Variants in BMP6 observed in about 807,000 individuals in gnomAD.
The protein encoded by BMP6 is bone morphogenetic protein 6.
A neutral mutation model predicts 54.1 loss-of-function variants in BMP6; 17 were observed. The observed-to-expected ratio is 0.31, with a 90% CI of 0.22 to 0.47. The LOEUF (loss-of-function observed/expected upper bound fraction) is 0.47. Among genes scored for constraint, BMP6 ranks in the 20% least tolerant of loss-of-function variants. The pLI is 1.00. For synonymous variants in BMP6, 328 were observed against 291.2 expected, an observed-to-expected ratio of 1.13 and a Z score of -1.28; for missense variants, 720 against 690.4, an observed-to-expected ratio of 1.04 and a Z score of -0.48.
intron 1 of BMP6, among the ~76,000 whole-genome samples, chr6:7,844,763 C>G (rs1274173929): frequency 6.6e-6 from 1 of 152,098 alleles, no homozygotes; most frequent in East Asian, 1.9e-4. Flanking sequence ...GATGGGCGGA[C>G]GGGTTCTTCT....
chr6:7,792,760 G>A (rs1758129084), intron 1 of BMP6, among the ~76,000 whole-genome samples: 1 of 152,196 alleles, frequency 6.6e-6, no homozygotes, highest in African/African-American at 2.4e-5. Flanking sequence ...ATGTTTCAAT[G>A]GGCCCTACAA....
At chr6:7,811,349 TG>T (rs1758432945) in intron 1 of BMP6, among the ~76,000 whole-genome samples, 1 of 152,140 alleles carries the variant, frequency 6.6e-6, no homozygotes, top group Admixed American at 6.5e-5. Context: ...CAAGCTCCTC[TG>T]GGGGTCTTGG....
At chr6:7,764,761 A>G (rs913335198) in intron 1 of BMP6, among the ~76,000 whole-genome samples, 2 of 152,134 alleles carry the variant, frequency 1.3e-5, no homozygotes, top group African/African-American at 2.4e-5. Context: ...GACTACAGGT[A>G]TGCGCCCCCA....
intron 1 of BMP6, among the ~76,000 whole-genome samples, chr6:7,758,102 G>A (rs1286046608): frequency 6.6e-6 from 1 of 152,212 alleles, no homozygotes; most frequent in African/African-American, 2.4e-5. Flanking sequence ...ACTCTTGCTA[G>A]TAGAGAAGAA....
chr6:7,760,491 G>C, intron 1 of BMP6, among the ~76,000 whole-genome samples: 1 of 151,106 alleles, frequency 6.6e-6, no homozygotes, highest in African/African-American at 2.4e-5. Flanking sequence ...CTTTGAGACA[G>C]AGTCTTACTC....
At chr6:7,860,326 T>C (rs1461696854) in intron 2 of BMP6, among the ~76,000 whole-genome samples, 2 of 152,236 alleles carry the variant, frequency 1.3e-5, no homozygotes, top group Non-Finnish European at 2.9e-5. Context: ...CTGTAAGATA[T>C]TGCAGCAAAA....
intron 1 of BMP6, among the ~76,000 whole-genome samples, chr6:7,826,661 G>A (rs1332949450): frequency 1.3e-5 from 2 of 152,182 alleles, no homozygotes; most frequent in Non-Finnish European, 2.9e-5. Flanking sequence ...ACCTCATTCC[G>A]ACTTTTCTTT....
intron 1 of BMP6, among the ~76,000 whole-genome samples, chr6:7,823,504 TTAA>T (rs1369719567): frequency 6.6e-6 from 1 of 152,166 alleles, no homozygotes; most frequent in African/African-American, 2.4e-5. Flanking sequence ...TAACAATAAA[TTAA>T]TAAATTCAAT....
intron 2 of BMP6, among the ~76,000 whole-genome samples, chr6:7,856,397 A>AT (rs70982114): frequency 0.025 from 3,869 of 152,140 alleles, 61 homozygotes; most frequent in Middle Eastern, 0.041. Context: ...TATTTGAAAA[A>AT]TGAATTTTTC....
intron 1 of BMP6, among the ~76,000 whole-genome samples, chr6:7,767,426 A>G (rs1480943899): frequency 6.6e-6 from 1 of 152,148 alleles, no homozygotes. Context: ...ATAGAGCAGT[A>G]TTCTCACCCT....
chr6:7,860,421 A>G (rs1759316125), intron 2 of BMP6, among the ~76,000 whole-genome samples: 1 of 152,170 alleles, frequency 6.6e-6, no homozygotes, highest in Admixed American at 6.5e-5. Flanking sequence ...ATCTCATTCT[A>G]GTGGCCATGG....
chr6:7,872,466 T>C (rs1363182685), intron 4 of BMP6, among the ~76,000 whole-genome samples: 2 of 152,236 alleles, frequency 1.3e-5, no homozygotes, highest in African/African-American at 4.8e-5. Context: ...TGAGAGTATC[T>C]GTAGGAAGAA....
chr6:7,818,524 T>C (rs1430227094), intron 1 of BMP6, among the ~76,000 whole-genome samples: 1 of 152,250 alleles, frequency 6.6e-6, no homozygotes, highest in Non-Finnish European at 1.5e-5. Flanking sequence ...ATTGTCGACA[T>C]AGATAACTGG....
intron 1 of BMP6, among the ~76,000 whole-genome samples, chr6:7,827,594 G>C (rs1758719798): frequency 6.6e-6 from 1 of 152,154 alleles, no homozygotes; most frequent in Non-Finnish European, 1.5e-5. Context: ...GGCCGTGTTA[G>C]ACATGGAAAT....
chr6:7,737,262 T>A (rs562232364), intron 1 of BMP6, among the ~76,000 whole-genome samples: 4 of 152,040 alleles, frequency 2.6e-5, no homozygotes, highest in African/African-American at 9.6e-5. Flanking sequence ...AACATCTGAC[T>A]TAGGATGTCC....
At chr6:7,824,137 A>G (rs1258784000) in intron 1 of BMP6, among the ~76,000 whole-genome samples, 1 of 152,124 alleles carries the variant, frequency 6.6e-6, no homozygotes, top group East Asian at 1.9e-4. Flanking sequence ...GATTTTGAAG[A>G]CAGGGCAGGC....
chr6:7,778,993 A>G (rs935055867), intron 1 of BMP6, among the ~76,000 whole-genome samples: 1 of 152,238 alleles, frequency 6.6e-6, no homozygotes, highest in African/African-American at 2.4e-5. Context: ...CTCACAGTCC[A>G]CTGCCTCAAA....
chr6:7,846,698 C>A (rs1221284307), intron 2 of BMP6, among the ~76,000 whole-genome samples: 2 of 152,122 alleles, frequency 1.3e-5, no homozygotes, highest in African/African-American at 4.8e-5. Context: ...ATATCTGATT[C>A]TCACTCCTAA....
intron 1 of BMP6, among the ~76,000 whole-genome samples, chr6:7,773,273 A>G (rs1757817359): frequency 1.3e-5 from 2 of 152,320 alleles, no homozygotes; most frequent in African/African-American, 2.4e-5. Flanking sequence ...GCCCAGGAGA[A>G]CTAGTTCTGT....
Sources: gnomAD v4.1 joint callset for allele counts (sites outside exome capture counted in the v4.1 genomes callset) on GRCh38, gnomAD v4.1.1 for gene constraint, MANE v1.5 for transcripts, NCBI Gene and HGNC (gene_info 2026-07-23, HGNC 2026-07-21) for gene names.